GRIP1: variants seen among roughly 807,000 people sequenced by gnomAD.
The protein encoded by GRIP1 is glutamate receptor-interacting protein 1.
A neutral mutation model predicts 129.9 loss-of-function variants in GRIP1; 45 were observed. That is an observed-to-expected ratio of 0.35 (90% CI 0.27 to 0.44). The LOEUF is 0.44. Ranked by LOEUF, GRIP1 falls within the 20% of genes least tolerant of loss-of-function variation. The probability of loss-of-function intolerance (pLI) is 1.00; values close to 1 mark genes in which losing one functional copy is unlikely to be tolerated. For missense variants in GRIP1, 1,196 were observed against 1,396.8 expected, an observed-to-expected ratio of 0.86 and a Z score of 2.29; for synonymous variants, 530 against 520.8, an observed-to-expected ratio of 1.02 and a Z score of -0.24.
intron 1 of GRIP1, among the ~76,000 whole-genome samples, chr12:66,893,684 T>A (rs2040698964): frequency 6.6e-6 from 1 of 152,214 alleles, no homozygotes; most frequent in African/African-American, 2.4e-5. Flanking sequence ...TACATAAGAT[T>A]TTGTGCAAAC....
At chr12:66,784,760 C>T (rs976855150) in intron 1 of GRIP1, among the ~76,000 whole-genome samples, 5 of 152,148 alleles carry the variant, frequency 3.3e-5, no homozygotes, top group African/African-American at 7.2e-5. Flanking sequence ...TCATGGGTTA[C>T]GCATGTTAGC....
At chr12:66,468,167 G>A (rs1361120341) in intron 7 of GRIP1, among the ~76,000 whole-genome samples, 1 of 152,164 alleles carries the variant, frequency 6.6e-6, no homozygotes, top group Non-Finnish European at 1.5e-5. Context: ...CCAATGGGAA[G>A]TGAGATGTGA....
At chr12:66,523,651 A>C (rs187442805) in intron 5 of GRIP1, among the ~76,000 whole-genome samples, 46 of 152,202 alleles carry the variant, frequency 3.0e-4, no homozygotes, top group South Asian at 6.2e-4. Flanking sequence ...CTAACATCAT[A>C]ATGACAGGAC....
At chr12:66,898,324 T>G (rs1282263703) in intron 1 of GRIP1, among the ~76,000 whole-genome samples, 2 of 152,202 alleles carry the variant, frequency 1.3e-5, no homozygotes. Flanking sequence ...TAATATTTAA[T>G]CTAAATCCCT....
chr12:66,522,262 G>A (rs2061041007), intron 5 of GRIP1, among the ~76,000 whole-genome samples: 1 of 152,236 alleles, frequency 6.6e-6, no homozygotes. Flanking sequence ...AATAGGGGCA[G>A]ACTGACACCT....
rs558382459 is a variant in GRIP1, at chr12:66,870,507, T to C, written c.58+198543A>G. Among the ~76,000 whole-genome samples the C allele has an allele frequency of 2.6e-5, 4 of 152,266 alleles. No individual in the cohort carries two copies. In the East Asian group the frequency reaches 7.7e-4, roughly 29 times the overall value. On this transcript the variant is annotated intron_variant, in intron 1 of 1. Coordinates refer to the GRIP1 transcript ENST00000643019. Reference sequence around the variant, plus strand: ...GAGAGAGAATATCAATATAGTCTGATGTGGTATAAAAGCTTAAACTGTTAG... The same window carrying C: ...GAGAGAGAATATCAATATAGTCTGACGTGGTATAAAAGCTTAAACTGTTAG...
chr12:66,517,765 C>T (rs2060888933), intron 6 of GRIP1, 136 bp downstream of exon 6: 2 of 688,204 alleles, frequency 2.9e-6, no homozygotes, highest in East Asian at 2.7e-5. Context: ...AGTTCAGACT[C>T]TCAATTTTCA....
intron 1 of GRIP1, among the ~76,000 whole-genome samples, chr12:66,942,483 C>G (rs1168249887): frequency 6.6e-6 from 1 of 152,222 alleles, no homozygotes; most frequent in Non-Finnish European, 1.5e-5. Context: ...GGCACCCTAA[C>G]TTTGACTTGA....
chr12:66,392,653 T>C (rs2137520786), intron 18 of GRIP1, 24 bp downstream of exon 18: 1 of 1,613,520 alleles, frequency 6.2e-7, no homozygotes, highest in South Asian at 1.1e-5. Flanking sequence ...AATCCTTAAT[T>C]GTGGCTTTCA....
chr12:66,999,307 T>G (rs73317163), intron 1 of GRIP1, among the ~76,000 whole-genome samples: 16,952 of 152,068 alleles, frequency 0.11, 1,121 homozygotes, highest in African/African-American at 0.2. Context: ...CCCAGGGAAG[T>G]TATGCAACTT....
At chr12:66,732,893 G>A (rs1021871431) in intron 1 of GRIP1, among the ~76,000 whole-genome samples, 12 of 152,194 alleles carry the variant, frequency 7.9e-5, no homozygotes, top group East Asian at 1.9e-4. Context: ...ACATGAAAAG[G>A]ATACTTAAAT....
chr12:67,048,800 T>C (rs758171619), intron 1 of GRIP1, among the ~76,000 whole-genome samples: 1 of 152,116 alleles, frequency 6.6e-6, no homozygotes, highest in Non-Finnish European at 1.5e-5. Flanking sequence ...CCCACACAAG[T>C]TCTCTCTTTG....
At chr12:66,574,434 T>C (rs1358521675) in intron 2 of GRIP1, among the ~76,000 whole-genome samples, 1 of 152,238 alleles carries the variant, frequency 6.6e-6, no homozygotes, top group African/African-American at 2.4e-5. Flanking sequence ...CTCTCTCTTT[T>C]AAAACACTAA....
intron 2 of GRIP1, chr12:66,568,042 G>A: frequency 4.6e-6 from 1 of 216,096 alleles, no homozygotes; most frequent in Non-Finnish European, 9.6e-6. Context: ...CCAATGAATT[G>A]AATCTTTCTG....
intron 1 of GRIP1, among the ~76,000 whole-genome samples, chr12:66,827,385 TGTGAGAGAGAGAGA>T (rs1004700301): frequency 9.8e-5 from 7 of 71,496 alleles, no homozygotes; most frequent in African/African-American, 2.8e-4. Context: ...TGTGTGTGTG[TGTGAGAGAGAGAGA>T]GAGAGAGAGA....
intron 1 of GRIP1, among the ~76,000 whole-genome samples, chr12:66,622,216 C>G (rs1342891102): frequency 6.6e-6 from 1 of 152,040 alleles, no homozygotes; most frequent in Non-Finnish European, 1.5e-5. Context: ...CTAAGCAGAA[C>G]CCTTGAGTTA....
At chr12:66,441,387 T>C (rs2058468296) in intron 13 of GRIP1, among the ~76,000 whole-genome samples, 1 of 151,862 alleles carries the variant, frequency 6.6e-6, no homozygotes, top group Non-Finnish European at 1.5e-5. Flanking sequence ...CCTTTCTTAC[T>C]GCCACTCTTT....
intron 1 of GRIP1, among the ~76,000 whole-genome samples, chr12:67,029,280 T>C (rs556954883): frequency 6.6e-6 from 1 of 152,200 alleles, no homozygotes; most frequent in Admixed American, 6.5e-5. Context: ...ATGTTGTTGT[T>C]GTTATCGTTG....
intron 1 of GRIP1, among the ~76,000 whole-genome samples, chr12:67,036,059 T>C (rs1032296407): frequency 2.0e-5 from 3 of 152,152 alleles, no homozygotes; most frequent in African/African-American, 7.2e-5. Flanking sequence ...AAAATTTACA[T>C]CAAAATTGTT....
Sources: allele counts gnomAD v4.1 joint callset (sites outside exome capture counted in the v4.1 genomes callset), GRCh38; gene constraint gnomAD v4.1.1; transcripts MANE v1.5; gene names NCBI Gene and HGNC (gene_info 2026-07-23, HGNC 2026-07-21).